R3HDM2: variants seen among roughly 807,000 people sequenced by gnomAD.
The protein encoded by R3HDM2 is R3H domain containing 2, also known as R3H domain-containing protein 2.
In R3HDM2, 38 loss-of-function variants were observed where a neutral mutation model predicts 124.5. That is an observed-to-expected ratio of 0.31 (90% confidence interval 0.24 to 0.40). The LOEUF (loss-of-function observed/expected upper bound fraction) is 0.40. Ranked by LOEUF, R3HDM2 falls within the 10% of genes least tolerant of loss-of-function variation. The pLI, the probability that R3HDM2 is intolerant of heterozygous loss-of-function variation, is 1.00. For missense variants in R3HDM2, 869 were observed against 1,236.9 expected (o/e 0.70, Z 4.46); for synonymous variants, 391 against 448.0 (o/e 0.87, Z 1.61).
At chr12:57,312,581 T>G (rs1248498105) in intron 2 of R3HDM2, among the ~76,000 whole-genome samples, 1 of 152,112 alleles carries the variant, frequency 6.6e-6, no homozygotes, top group Non-Finnish European at 1.5e-5. Flanking sequence ...CAAAGTCATA[T>G]AGTTGACGGC....
At chr12:57,297,496 AG>A in intron 7 of R3HDM2, 109 bp from the exon 8 acceptor site, 2 of 650,182 alleles carry the variant, frequency 3.1e-6, no homozygotes, top group Non-Finnish European at 5.3e-6. Context: ...AAGCTGAAAA[AG>A]GTATATATCC....
At position 57,358,764 on chromosome 12, in the gene R3HDM2, GGTTAAGT is replaced by G. The variant is rs1356899801; in HGVS notation, c.-36+36978_-36+36984del. ...ATGTGTATCATGCTGTTGTTGGAGT[GGTTAAGT>G]GTTAACTGGGTTAATTACTGATTTG... On this transcript the variant is annotated intron_variant, in intron 2 of 23. Coordinates refer to ENST00000402412, the MANE Select transcript of R3HDM2 (RefSeq NM_001394031.1). Among the ~76,000 whole-genome samples, 9 of 152,202 alleles carry G rather than the reference GGTTAAGT, an allele frequency of 5.9e-5. No individual in the cohort carries two copies. In the East Asian group the frequency reaches 1.5e-3, roughly 26 times the overall value.
intron 1 of R3HDM2, among the ~76,000 whole-genome samples, chr12:57,412,620 G>A (rs1348442615): frequency 6.6e-6 from 1 of 152,088 alleles, no homozygotes; most frequent in Non-Finnish European, 1.5e-5. Context: ...CCCTACCTAA[G>A]AATATTTTAA....
At chr12:57,288,450 C>T (rs544341526) in intron 12 of R3HDM2, among the ~76,000 whole-genome samples, 3 of 150,642 alleles carry the variant, frequency 2.0e-5, no homozygotes, top group Non-Finnish European at 4.4e-5. Flanking sequence ...AAAAAATATT[C>T]CTATGCTGGG....
At chr12:57,385,092 G>A (rs943745622) in intron 2 of R3HDM2, among the ~76,000 whole-genome samples, 1 of 151,892 alleles carries the variant, frequency 6.6e-6, no homozygotes, top group Non-Finnish European at 1.5e-5. Flanking sequence ...GTTGCAGTGA[G>A]CAGATATCAC....
intron 2 of R3HDM2, among the ~76,000 whole-genome samples, chr12:57,384,541 T>C (rs2065415050): frequency 6.6e-6 from 1 of 152,082 alleles, no homozygotes. Flanking sequence ...AAGTGCAAAC[T>C]CAACACTGTT....
At chr12:57,390,813 C>T (rs1432525930) in intron 2 of R3HDM2, among the ~76,000 whole-genome samples, 2 of 152,018 alleles carry the variant, frequency 1.3e-5, no homozygotes, top group Admixed American at 6.6e-5. Context: ...GAGTCTGAGA[C>T]CAGCCTGGCC....
intron 1 of R3HDM2, among the ~76,000 whole-genome samples, chr12:57,399,619 TTAA>T (rs2067869619): frequency 6.6e-6 from 1 of 152,108 alleles, no homozygotes; most frequent in Non-Finnish European, 1.5e-5. Context: ...CCCAAGACAA[TTAA>T]TAAAACTTAC....
chr12:57,259,183 TTG>T, intron 19 of R3HDM2, 124 bp from the exon 20 acceptor site: 1 of 941,454 alleles, frequency 1.1e-6, no homozygotes, highest in Non-Finnish European at 1.5e-6. Flanking sequence ...AAGCTACGTC[TTG>T]CCAGGAACCT....
intron 2 of R3HDM2, among the ~76,000 whole-genome samples, chr12:57,341,067 T>G (rs566374018): frequency 1.6e-4 from 25 of 152,334 alleles, no homozygotes; most frequent in African/African-American, 6.0e-4. Context: ...TGAGAAACAG[T>G]GTACAAACTG....
At chr12:57,282,299 C>CAAA (rs796325846) in intron 13 of R3HDM2, among the ~76,000 whole-genome samples, 2 of 128,002 alleles carry the variant, frequency 1.6e-5, no homozygotes, top group Admixed American at 7.8e-5. Flanking sequence ...GACTCCATCT[C>CAAA]AAAAAAAAAA....
chr12:57,373,818 A>G (rs1446769097), intron 2 of R3HDM2, among the ~76,000 whole-genome samples: 1 of 148,908 alleles, frequency 6.7e-6, no homozygotes, highest in Admixed American at 6.7e-5. Flanking sequence ...CTTCTCAAAA[A>G]TAAATAAATA....
In R3HDM2 at chr12:57,295,643, C is replaced by T. The variant is rs917256629; in HGVS notation, c.702-136G>A. 3 of 630,754 alleles carry T rather than the reference C, an allele frequency of 4.8e-6. No homozygotes were observed. In the East Asian group the frequency reaches 8.3e-5, roughly 17 times the overall value. 39.1% of individuals were successfully genotyped at this position (630,754 alleles called of 1,614,324 possible). ...TTCTGGAGTAAGGAATCCAAAAAGT[C>T]ACATGCAGGTTTTAATGAAATCTTC... On this transcript the variant is annotated intron_variant, in intron 9 of 23. Coordinates refer to ENST00000402412, the MANE Select transcript of R3HDM2 (RefSeq NM_001394031.1).
At chr12:57,409,611 A>G (rs756682078) in intron 1 of R3HDM2, among the ~76,000 whole-genome samples, 2 of 152,012 alleles carry the variant, frequency 1.3e-5, no homozygotes, top group Non-Finnish European at 2.9e-5. Context: ...AGAAATCACT[A>G]CCTAATTGAA....
At chr12:57,420,482 T>TC (rs1341863084) in intron 1 of R3HDM2, among the ~76,000 whole-genome samples, 5 of 151,468 alleles carry the variant, frequency 3.3e-5, no homozygotes, top group African/African-American at 1.2e-4. Flanking sequence ...TCCTTGAAAC[T>TC]CCTCCTACTT....
intron 1 of R3HDM2, among the ~76,000 whole-genome samples, chr12:57,419,928 C>A (rs937680512): frequency 3.9e-5 from 6 of 152,036 alleles, no homozygotes; most frequent in African/African-American, 1.4e-4. Flanking sequence ...GGCCCCTATT[C>A]AACCAACCTG....
intron 10 of R3HDM2, among the ~76,000 whole-genome samples, chr12:57,292,930 A>C (rs929493231): frequency 1.7e-5 from 2 of 118,944 alleles, no homozygotes; most frequent in African/African-American, 6.5e-5. Context: ...ACAACTATTT[A>C]TAAGGACTGG....
rs2053638952 is a variant in R3HDM2 at position 57,310,280 on chromosome 12, A to G, written c.149T>C (p.Leu50Ser). Residue 50 changes from leucine (L) to serine (S), a missense_variant, in exon 3 of 24, where the codon TTG becomes TCG. Physicochemically the swap from Leu to Ser is moderately radical, Grantham distance 145. Coordinates refer to ENST00000402412, the MANE Select transcript of R3HDM2 (RefSeq NM_001394031.1). Reference protein sequence around the residue: ...EIEKECEDTSLRQETQRRTSN... With the variant: ...EIEKECEDTSSRQETQRRTSN... The stretch of plus-strand genomic sequence containing the variant: ...AATCGTTACCTGTGTCTCCTGACGC[A>G]AACTGGTATCTTCACATTCTTTCTC... The G allele has an allele frequency of 6.5e-7, 1 of 1,538,268 alleles. No individual in the cohort carries two copies. Among genetic ancestry groups the G allele is most frequent in the African/African-American group, 1.4e-5 (1 of 71,616 alleles).
chr12:57,419,425 G>A (rs1209051351), intron 1 of R3HDM2, among the ~76,000 whole-genome samples: 2 of 151,756 alleles, frequency 1.3e-5, no homozygotes, highest in African/African-American at 2.4e-5. Flanking sequence ...TTACAGGCAT[G>A]AGCCACTGTA....
Sources: allele counts gnomAD v4.1 joint callset (sites outside exome capture counted in the v4.1 genomes callset), GRCh38; gene constraint gnomAD v4.1.1; transcripts MANE v1.5; gene names NCBI Gene and HGNC (gene_info 2026-07-23, HGNC 2026-07-21).